The following HAT1 variants were observed in gnomAD, a reference collection of about 807,000 sequenced individuals.
HAT1 encodes the protein histone acetyltransferase 1.
Under a neutral mutation model 56.6 loss-of-function variants are expected in HAT1, and 20 were observed. That is an observed-to-expected ratio of 0.35 (90% confidence interval 0.25 to 0.51). HAT1 has a LOEUF of 0.51. HAT1 is among the 20% of genes least tolerant of loss of function. The pLI, the probability that HAT1 is intolerant of heterozygous loss-of-function variation, is 0.95. For synonymous variants in HAT1, 146 were observed against 165.5 expected (o/e 0.88, Z 0.91); for missense variants, 408 against 504.3 (o/e 0.81, Z 1.83).
At chr2:171,966,263 A>T (rs1687680626) in intron 6 of HAT1, 146 bp from the exon 7 acceptor site, 2 of 663,822 alleles carry the variant, frequency 3.0e-6, no homozygotes, top group South Asian at 1.7e-5. Context: ...TGAATTGTAC[A>T]TTCAGAACAT....
chr2:171,930,596 C>T (rs1686717235), intron 2 of HAT1, among the ~76,000 whole-genome samples: 1 of 152,138 alleles, frequency 6.6e-6, no homozygotes, highest in Non-Finnish European at 1.5e-5. Flanking sequence ...GCTAAATTCA[C>T]TTATTATTGT....
At chr2:171,977,552 TATA>T (rs1306002995) in intron 9 of HAT1, among the ~76,000 whole-genome samples, 4 of 19,870 alleles carry the variant, frequency 2.0e-4, no homozygotes, top group East Asian at 1.1e-3. Context: ...TATATATATA[TATA>T]TATTTTTTTT....
At chr2:171,926,836 A>G (rs1435192387) in intron 2 of HAT1, among the ~76,000 whole-genome samples, 1 of 152,246 alleles carries the variant, frequency 6.6e-6, no homozygotes, top group Non-Finnish European at 1.5e-5. Flanking sequence ...ATGTTCACGC[A>G]AAAACTTGTA....
At chr2:171,955,062 A>G (rs1039406143) in intron 4 of HAT1, among the ~76,000 whole-genome samples, 1 of 152,204 alleles carries the variant, frequency 6.6e-6, no homozygotes, top group Non-Finnish European at 1.5e-5. Flanking sequence ...CAGCCCAGTG[A>G]TACTGATTTC....
At chr2:171,954,579 G>A (rs1183040791) in intron 4 of HAT1, among the ~76,000 whole-genome samples, 2 of 152,074 alleles carry the variant, frequency 1.3e-5, no homozygotes, top group Non-Finnish European at 2.9e-5. Flanking sequence ...CCAGCTACTC[G>A]GGAGGCTAAG....
At chr2:171,934,418 G>C (rs1686815595) in intron 2 of HAT1, among the ~76,000 whole-genome samples, 1 of 152,178 alleles carries the variant, frequency 6.6e-6, no homozygotes. Flanking sequence ...ACCATAACAA[G>C]ATGAAGGAGG....
At chr2:171,974,176 A>AT in intron 8 of HAT1, among the ~76,000 whole-genome samples, 1 of 99,134 alleles carries the variant, frequency 1.0e-5, no homozygotes, top group Non-Finnish European at 2.1e-5. Flanking sequence ...CCTGTCTCAA[A>AT]AAAAAAAAAA....
intron 3 of HAT1, among the ~76,000 whole-genome samples, chr2:171,951,536 C>G (rs993213944): frequency 2.6e-5 from 4 of 151,760 alleles, no homozygotes; most frequent in Admixed American, 6.6e-5. Flanking sequence ...TCTCCTGCCT[C>G]AGCCTCTTGA....
intron 4 of HAT1, among the ~76,000 whole-genome samples, chr2:171,955,190 GC>G (rs1687408580): frequency 6.6e-6 from 1 of 152,220 alleles, no homozygotes; most frequent in African/African-American, 2.4e-5. Flanking sequence ...GTGGGATGCT[GC>G]TATAACCAAT....
chr2:171,934,738 AATT>A (rs1483440333), intron 2 of HAT1, among the ~76,000 whole-genome samples: 4 of 149,068 alleles, frequency 2.7e-5, no homozygotes, highest in Non-Finnish European at 5.9e-5. Context: ...CATATAGTTA[AATT>A]TAACTAGAGT....
In HAT1 at chr2:171,971,211, C is replaced by G. The variant is rs113831934; in HGVS notation, c.823+4262C>G. Among the ~76,000 whole-genome samples the G allele has an allele frequency of 3.8e-4, 58 of 152,042 alleles. 2 individuals are homozygous for G. The highest frequency in any genetic ancestry group is 1.3e-3 in the African/African-American group (53 of 41,518). ...AGACTCCGTCTCACAAACAAACAAA[C>G]AAAAAAATGTTTTACAAGAGATACT... On this transcript the variant is annotated intron_variant, in intron 8 of 10. Coordinates refer to ENST00000264108, the MANE Select transcript of HAT1 (RefSeq NM_003642.4).
intron 3 of HAT1, among the ~76,000 whole-genome samples, chr2:171,949,364 C>T (rs1687247365): frequency 6.6e-6 from 1 of 152,010 alleles, no homozygotes; most frequent in Admixed American, 6.6e-5. Flanking sequence ...AGGCGTGTAC[C>T]ACCATACCCA....
intron 1 of HAT1, chr2:171,924,741 A>G (rs1364872239): frequency 3.9e-5 from 6 of 152,112 alleles, no homozygotes; most frequent in Admixed American, 1.3e-4. Context: ...CATGGTAACT[A>G]TGGTTACCAG....
chr2:171,926,368 A>G (rs528885008), intron 2 of HAT1, among the ~76,000 whole-genome samples: 97 of 152,260 alleles, frequency 6.4e-4, no homozygotes, highest in Non-Finnish European at 1.2e-3. Flanking sequence ...ATCCTGGCTC[A>G]CTGCAACCTC....
At position 171,965,495 on chromosome 2, in the gene HAT1, A is replaced by C; in HGVS notation, c.467A>C (p.Asn156Thr). The change falls in exon 5 of 11, where the codon AAC becomes ACC. Residue 156 changes from asparagine to threonine, a missense_variant. Asn to Thr is a moderately conservative substitution (Grantham distance 65). Transcript: ENST00000264108. The stretch of plus-strand genomic sequence containing the variant: ...GTTCTCAGTCCAACAGGAGGAGAAA[A>C]CTTTACCTTTCAGATATATAAGGTA... Reference protein sequence around the residue: ...YSVLSPTGGENFTFQIYKADM... With the variant: ...YSVLSPTGGETFTFQIYKADM... 6.3e-7 allele frequency: 1 copy of C among 1,590,566 alleles called. No homozygotes were observed. Among genetic ancestry groups the C allele is most frequent in the Non-Finnish European group, 8.6e-7 (1 of 1,167,438 alleles).
At chr2:171,965,979 C>G (rs1181768835) in intron 6 of HAT1, 71 bp downstream of exon 6, 3 of 1,289,752 alleles carry the variant, frequency 2.3e-6, no homozygotes, top group Non-Finnish European at 2.2e-6. Context: ...TGTGGCAGCC[C>G]AATTATTGGG....
intron 2 of HAT1, among the ~76,000 whole-genome samples, chr2:171,942,051 C>T (rs1414688654): frequency 6.6e-6 from 1 of 152,062 alleles, no homozygotes; most frequent in East Asian, 1.9e-4. Context: ...ATTACAGGTG[C>T]ACACCACCAC....
chr2:171,929,386 GT>G (rs1038178969), intron 2 of HAT1, among the ~76,000 whole-genome samples: 2 of 152,048 alleles, frequency 1.3e-5, no homozygotes, highest in African/African-American at 4.8e-5. Context: ...CAGATTACAT[GT>G]TTTGTGCACA....
At chr2:171,982,068 A>G (rs1193024598) in intron 10 of HAT1, among the ~76,000 whole-genome samples, 1 of 152,212 alleles carries the variant, frequency 6.6e-6, no homozygotes, top group Non-Finnish European at 1.5e-5. Context: ...TACAAATAGT[A>G]GTCACACAGC....
Sources: gnomAD v4.1 joint callset for allele counts (sites outside exome capture counted in the v4.1 genomes callset) on GRCh38, gnomAD v4.1.1 for gene constraint, MANE v1.5 for transcripts, NCBI Gene and HGNC (gene_info 2026-07-23, HGNC 2026-07-21) for gene names.